Variants in FABP7 observed in about 807,000 individuals in gnomAD.
FABP7 encodes fatty acid binding protein 7.
A neutral mutation model predicts 14.2 loss-of-function variants in FABP7; 13 were observed. The observed-to-expected ratio is 0.91, with a 90% confidence interval of 0.59 to 1.45. The LOEUF (loss-of-function observed/expected upper bound fraction) is 1.45. Ranked by LOEUF, FABP7 falls within the 40% of genes most tolerant of loss-of-function variation. The pLI, the probability that FABP7 is intolerant of heterozygous loss-of-function variation, is 0.00. For synonymous variants in FABP7, 49 were observed against 51.4 expected (o/e 0.95, Z 0.20); for missense variants, 149 against 157.6 (o/e 0.95, Z 0.29).
chr6:122,753,780 T>TCCC, the FABP7 span, among the ~76,000 whole-genome samples: 13 of 45,012 alleles, frequency 2.9e-4, no homozygotes, highest in East Asian at 7.2e-4. Context: ...TGGGTCCAAA[T>TCCC]CCCGCCCCCC....
the FABP7 span, among the ~76,000 whole-genome samples, chr6:122,755,749 G>A: frequency 2.0e-5 from 3 of 151,964 alleles, no homozygotes; most frequent in African/African-American, 4.8e-5. Flanking sequence ...GAGCCACCGC[G>A]CGTGGCCTCC....
chr6:122,773,388 C>T, the FABP7 span, among the ~76,000 whole-genome samples: 1 of 152,196 alleles, frequency 6.6e-6, no homozygotes, highest in Non-Finnish European at 1.5e-5. Flanking sequence ...CCACTGCACT[C>T]TTCTGGAGCA....
chr6:122,753,192 T>C, the FABP7 span, among the ~76,000 whole-genome samples: 1 of 152,152 alleles, frequency 6.6e-6, no homozygotes, highest in Non-Finnish European at 1.5e-5. Context: ...CCCTGCAGGG[T>C]AACTTGGGCT....
intron 2 of FABP7, 69 bp downstream of exon 2, chr6:122,780,532 T>C (rs770004513): frequency 6.8e-7 from 1 of 1,475,464 alleles, no homozygotes. Flanking sequence ...TTCCAATGCA[T>C]GTTTTTTTTA....
At chr6:122,778,078 C>A (rs1780705397), upstream of FABP7, among the ~76,000 whole-genome samples, 1 of 152,034 alleles carries the variant, frequency 6.6e-6, no homozygotes, top group Non-Finnish European at 1.5e-5. Context: ...ATGTATAAAA[C>A]CAAACTGTAA....
the FABP7 span, among the ~76,000 whole-genome samples, chr6:122,752,508 C>T: frequency 3.4e-4 from 51 of 152,238 alleles, no homozygotes; most frequent in African/African-American, 1.2e-3. Context: ...TAAGCCATTC[C>T]CACCCCCAAC....
chr6:122,759,109 T>C, the FABP7 span, among the ~76,000 whole-genome samples: 1 of 152,254 alleles, frequency 6.6e-6, no homozygotes, highest in Non-Finnish European at 1.5e-5. Flanking sequence ...ATGAATTCCA[T>C]GCTCTCCCAT....
chr6:122,763,947 T>C, the FABP7 span, among the ~76,000 whole-genome samples: 2 of 152,216 alleles, frequency 1.3e-5, no homozygotes, highest in Non-Finnish European at 2.9e-5. Flanking sequence ...TTAGTGGTAG[T>C]GTAAACTAGT....
chr6:122,765,441 A>G, the FABP7 span, among the ~76,000 whole-genome samples: 13 of 152,068 alleles, frequency 8.5e-5, no homozygotes, highest in Admixed American at 3.9e-4. Flanking sequence ...TATTTTCAGC[A>G]AATGAAAGGT....
At chr6:122,782,565 G>A (rs1198549538) in intron 3 of FABP7, 3 of 985,194 alleles carry the variant, frequency 3.0e-6, no homozygotes, top group Non-Finnish European at 3.6e-6. Flanking sequence ...CCTTCACCAA[G>A]CCTTCCTCAG....
upstream of FABP7, among the ~76,000 whole-genome samples, chr6:122,778,406 A>G (rs570334339): frequency 3.8e-4 from 58 of 152,342 alleles, 1 homozygote; most frequent in African/African-American, 3.8e-4. Context: ...GAGACACCGA[A>G]GAAGAATCAT....
At chr6:122,759,550 T>C in the FABP7 span, among the ~76,000 whole-genome samples, 41,355 of 152,134 alleles carry the variant, frequency 0.27, 6,449 homozygotes, top group Non-Finnish European at 0.36. Context: ...GAGTACTTGC[T>C]GTGACATTCT....
upstream of FABP7, among the ~76,000 whole-genome samples, chr6:122,778,471 T>G (rs577310251): frequency 2.2e-4 from 34 of 152,136 alleles, no homozygotes; most frequent in Middle Eastern, 3.4e-3. Flanking sequence ...GGATCTGGTG[T>G]GGATTGGGTA....
chr6:122,775,264 A>G (rs2115137818), upstream of FABP7, among the ~76,000 whole-genome samples: 1 of 152,296 alleles, frequency 6.6e-6, no homozygotes, highest in Middle Eastern at 3.4e-3. Flanking sequence ...TTCAAAAGAT[A>G]CTAAAAAGCT....
the FABP7 span, among the ~76,000 whole-genome samples, chr6:122,762,034 A>G: frequency 6.6e-6 from 1 of 152,186 alleles, no homozygotes; most frequent in Non-Finnish European, 1.5e-5. Context: ...TCCCTAACTC[A>G]TTTTATGAGG....
the FABP7 span, among the ~76,000 whole-genome samples, chr6:122,753,224 T>C: frequency 6.6e-6 from 1 of 152,204 alleles, no homozygotes. Context: ...TGTGCCTTTG[T>C]AGATATCTGT....
At chr6:122,781,066 T>C (rs1177245557) in intron 2 of FABP7, 27 bp from the exon 3 acceptor site, 1 of 1,596,308 alleles carries the variant, frequency 6.3e-7, no homozygotes, top group Non-Finnish European at 8.6e-7. Flanking sequence ...TTTATTGCTA[T>C]GTTCTGCATT....
the FABP7 span, among the ~76,000 whole-genome samples, chr6:122,767,362 T>A: frequency 6.6e-6 from 1 of 152,054 alleles, no homozygotes; most frequent in Non-Finnish European, 1.5e-5. Flanking sequence ...CTATAAAAAT[T>A]GACAGCTTAG....
the FABP7 span, among the ~76,000 whole-genome samples, chr6:122,770,357 C>T: frequency 3.3e-5 from 5 of 151,974 alleles, no homozygotes; most frequent in Admixed American, 2.0e-4. Context: ...ATATTTCTTC[C>T]TTGCTGCATA....
Sources: gnomAD v4.1 joint callset for allele counts (sites outside exome capture counted in the v4.1 genomes callset) on GRCh38, gnomAD v4.1.1 for gene constraint, MANE v1.5 for transcripts, NCBI Gene and HGNC (gene_info 2026-07-23, HGNC 2026-07-21) for gene names.